Variants in CLASP1 observed in about 807,000 individuals in gnomAD.
The protein encoded by CLASP1 is cytoplasmic linker associated protein 1, also known as CLIP-associating protein 1.
A neutral mutation model predicts 192.3 loss-of-function variants in CLASP1; 38 were observed. The ratio of observed to expected loss-of-function variants is 0.20; its 90% confidence interval spans 0.15 to 0.26. The LOEUF is 0.26. Ranked by LOEUF, CLASP1 falls within the 10% of genes least tolerant of loss-of-function variation. The pLI is 1.00. For missense variants in CLASP1, 1,433 were observed against 1,932.5 expected (o/e 0.74, Z 4.85); for synonymous variants, 691 against 712.8 (o/e 0.97, Z 0.49).
intron 30 of CLASP1, among the ~76,000 whole-genome samples, chr2:121,391,140 C>T (rs1263040463): frequency 6.6e-6 from 1 of 152,178 alleles, no homozygotes; most frequent in African/African-American, 2.4e-5. Flanking sequence ...ATTAATTTTA[C>T]ATTTCTCAAA....
At chr2:121,352,017 C>T (rs1573629368) in intron 37 of CLASP1, among the ~76,000 whole-genome samples, 3 of 152,314 alleles carry the variant, frequency 2.0e-5, no homozygotes, top group Admixed American at 6.5e-5. Context: ...ACCGGGCCAC[C>T]CATGCTCTGG....
intron 14 of CLASP1, among the ~76,000 whole-genome samples, chr2:121,455,187 A>C (rs1316311873): frequency 6.6e-6 from 1 of 152,204 alleles, no homozygotes; most frequent in African/African-American, 2.4e-5. Flanking sequence ...ACATTTTTTC[A>C]GTGGAAGGTA....
At chr2:121,606,361 G>A (rs557423588) in intron 1 of CLASP1, among the ~76,000 whole-genome samples, 181 bp from the exon 2 acceptor site, 1 of 152,314 alleles carries the variant, frequency 6.6e-6, no homozygotes, top group South Asian at 2.1e-4. Context: ...ATTTTTATCA[G>A]GAAGAACATC....
intron 29 of CLASP1, among the ~76,000 whole-genome samples, chr2:121,397,970 A>T (rs1193046913): frequency 6.6e-6 from 1 of 152,230 alleles, no homozygotes; most frequent in Admixed American, 6.5e-5. Flanking sequence ...TACACACAAG[A>T]ATGTCTTAAT....
At chr2:121,411,215 A>G (rs1016079841) in intron 23 of CLASP1, among the ~76,000 whole-genome samples, 3 of 152,222 alleles carry the variant, frequency 2.0e-5, no homozygotes, top group African/African-American at 4.8e-5. Context: ...AAAGTTTCTG[A>G]TATGAGAGGG....
chr2:121,483,174 C>T (rs2150094604), intron 8 of CLASP1, among the ~76,000 whole-genome samples: 1 of 152,254 alleles, frequency 6.6e-6, no homozygotes, highest in East Asian at 1.9e-4. Flanking sequence ...CCCCTCTTCC[C>T]CCTCCCCGCC....
intron 7 of CLASP1, among the ~76,000 whole-genome samples, chr2:121,511,770 G>C (rs1020724674): frequency 7.2e-5 from 11 of 152,126 alleles, no homozygotes; most frequent in African/African-American, 2.4e-4. Context: ...AGCAGAAAAA[G>C]GCAGAAAGAG....
chr2:121,382,407 T>G, intron 32 of CLASP1, 83 bp from the exon 34 acceptor site: 1 of 769,726 alleles, frequency 1.3e-6, no homozygotes, highest in Non-Finnish European at 2.1e-6. Flanking sequence ...ACACACTAAG[T>G]GTCTTAGTCT....
intron 15 of CLASP1, 96 bp from the exon 16 acceptor site, chr2:121,451,086 G>A: frequency 1.2e-6 from 1 of 845,082 alleles, no homozygotes; most frequent in East Asian, 2.5e-5. Flanking sequence ...TGGCAACATG[G>A]AGCTGGGAGC....
chr2:121,560,003 A>T (rs2058936525), intron 2 of CLASP1, among the ~76,000 whole-genome samples: 1 of 152,198 alleles, frequency 6.6e-6, no homozygotes, highest in South Asian at 2.1e-4. Context: ...TAAAACCTGT[A>T]GTTTGATTAA....
intron 9 of CLASP1, among the ~76,000 whole-genome samples, chr2:121,464,199 T>C (rs1020191665): frequency 1.2e-4 from 18 of 152,120 alleles, no homozygotes; most frequent in Non-Finnish European, 2.2e-4. Flanking sequence ...GGATGCATAG[T>C]GTTCCATGGT....
chr2:121,460,082 T>A (rs1313640412), exon 12 of CLASP1: 1 of 1,613,614 alleles, frequency 6.2e-7, no homozygotes, highest in East Asian at 2.2e-5. Context: ...GAAGTTATCA[T>A]ACTCAGCAGC....
intron 7 of CLASP1, among the ~76,000 whole-genome samples, chr2:121,515,205 T>A (rs2094252724): frequency 6.6e-6 from 1 of 152,216 alleles, no homozygotes; most frequent in African/African-American, 2.4e-5. Flanking sequence ...ACATTGTGAA[T>A]GACATGAAAA....
At chr2:121,596,143 G>C (rs2063117136) in intron 2 of CLASP1, among the ~76,000 whole-genome samples, 1 of 152,102 alleles carries the variant, frequency 6.6e-6, no homozygotes, top group South Asian at 2.1e-4. Context: ...CATACATCAA[G>C]GACACCATTT....
chr2:121,636,557 C>G (rs1167820966), intron 1 of CLASP1, among the ~76,000 whole-genome samples: 1 of 151,724 alleles, frequency 6.6e-6, no homozygotes. Flanking sequence ...CCCAGCTACT[C>G]AGGAGGCTGA....
At chr2:121,610,309 G>A (rs2065071721) in intron 1 of CLASP1, among the ~76,000 whole-genome samples, 1 of 151,266 alleles carries the variant, frequency 6.6e-6, no homozygotes, top group African/African-American at 2.4e-5. Flanking sequence ...ATGAGAGGAA[G>A]AGGAACTGGA....
chr2:121,542,654 A>G (rs923903745), intron 2 of CLASP1, among the ~76,000 whole-genome samples: 6 of 152,214 alleles, frequency 3.9e-5, no homozygotes, highest in African/African-American at 7.2e-5. Context: ...CTATTTTTAA[A>G]ATTCCTCTTC....
intron 5 of CLASP1, among the ~76,000 whole-genome samples, chr2:121,526,607 GGC>G: frequency 6.6e-6 from 1 of 150,838 alleles, no homozygotes; most frequent in East Asian, 1.9e-4. Context: ...CAAATTTAAT[GGC>G]ACTGAAAAGG....
chr2:121,570,474 C>G (rs1166459625), intron 2 of CLASP1, among the ~76,000 whole-genome samples: 1 of 152,204 alleles, frequency 6.6e-6, no homozygotes, highest in African/African-American at 2.4e-5. Context: ...TCCCACATGC[C>G]TGATTGTTCA....
Sources: gnomAD v4.1 joint callset for allele counts (sites outside exome capture counted in the v4.1 genomes callset) on GRCh38, gnomAD v4.1.1 for gene constraint, MANE v1.5 for transcripts, NCBI Gene and HGNC (gene_info 2026-07-23, HGNC 2026-07-21) for gene names.